Variants in GNB1L observed in about 807,000 individuals in gnomAD.
The protein encoded by GNB1L is guanine nucleotide-binding protein subunit beta-like protein 1.
GNB1L carries 20 observed loss-of-function variants against 29.1 expected under a neutral mutation model. That is an observed-to-expected ratio of 0.69 (90% confidence interval 0.48 to 1.00). The LOEUF is 1.00. Ranked by LOEUF, GNB1L falls within the 50% of genes least tolerant of loss-of-function variation. The pLI is 0.00. For missense variants in GNB1L, 421 were observed against 464.9 expected, an observed-to-expected ratio of 0.91 and a Z score of 0.87; for synonymous variants, 193 against 206.5, an observed-to-expected ratio of 0.93 and a Z score of 0.56.
chr22:19,846,536 G>A (rs1937965571), intron 2 of GNB1L: 1 of 985,544 alleles, frequency 1.0e-6, no homozygotes, highest in Non-Finnish European at 1.2e-6. Context: ...GCCAGGAACA[G>A]CAAAGACAAA....
At chr22:19,803,113 C>T (rs954842210) in intron 6 of GNB1L, among the ~76,000 whole-genome samples, 6 of 152,152 alleles carry the variant, frequency 3.9e-5, no homozygotes, top group African/African-American at 1.4e-4. Flanking sequence ...TGATGGGAAC[C>T]GGGGTAGCCA....
intron 2 of GNB1L, among the ~76,000 whole-genome samples, chr22:19,832,241 G>A (rs945834515): frequency 2.6e-5 from 4 of 152,092 alleles, no homozygotes; most frequent in Non-Finnish European, 5.9e-5. Flanking sequence ...GAGGTGGGAG[G>A]ATCACTTAAG....
chr22:19,783,543 C>A lies in GNB1L; in HGVS notation c.*5166G>T. On this transcript the variant is annotated 3_prime_UTR_variant, in exon 8 of 8. Coordinates refer to ENST00000329517, the MANE Select transcript of GNB1L (RefSeq NM_053004.3). ...CCAGCCTGGGTGACAGAGTGAGACC[C>A]CCACTGTCCCTGGTCTCTTAAAAGA... 5.4e-6 allele frequency: 1 copy of A among 185,402 alleles called. No individual in the cohort carries two copies. The allele number at this position is 185,402 out of a possible 1,614,324, so 11.5% of individuals were successfully genotyped here. A position where few individuals can be genotyped will look rare whatever the true frequency, so the allele number is the denominator to read the frequency against.
intron 2 of GNB1L, among the ~76,000 whole-genome samples, chr22:19,836,873 T>C (rs147004485): frequency 2.6e-4 from 39 of 152,060 alleles, no homozygotes; most frequent in Non-Finnish European, 1.9e-4. Flanking sequence ...CATCCATTCA[T>C]GATTTTTAAA....
At chr22:19,804,611 A>G (rs1265017358) in intron 6 of GNB1L, among the ~76,000 whole-genome samples, 1 of 151,938 alleles carries the variant, frequency 6.6e-6, no homozygotes, top group Admixed American at 6.6e-5. Context: ...GAAAACCCTC[A>G]ATGTTTCAGA....
intron 7 of GNB1L, among the ~76,000 whole-genome samples, chr22:19,801,503 C>T (rs1339803941): frequency 6.6e-6 from 1 of 152,200 alleles, no homozygotes; most frequent in Non-Finnish European, 1.5e-5. Flanking sequence ...GCCCAGGAGA[C>T]ACCATGGGAA....
intron 6 of GNB1L, among the ~76,000 whole-genome samples, chr22:19,806,278 G>A (rs533306482): frequency 5.7e-4 from 87 of 152,370 alleles, no homozygotes; most frequent in Middle Eastern, 3.4e-3. Flanking sequence ...CAGGCTTGCT[G>A]CAGTTAGTCA....
intron 7 of GNB1L, among the ~76,000 whole-genome samples, chr22:19,797,638 G>A (rs1482068896): frequency 1.3e-5 from 2 of 152,090 alleles, no homozygotes; most frequent in South Asian, 2.1e-4. Flanking sequence ...GGATACCACC[G>A]CCTGCGCCCC....
chr22:19,805,655 G>A (rs1319960370), intron 6 of GNB1L, among the ~76,000 whole-genome samples: 6 of 152,154 alleles, frequency 3.9e-5, no homozygotes, highest in African/African-American at 1.2e-4. Flanking sequence ...GGTGGCGGGC[G>A]CCTGTAGTCC....
intron 2 of GNB1L, chr22:19,851,642 G>A: frequency 6.3e-7 from 1 of 1,594,290 alleles, no homozygotes; most frequent in South Asian, 1.1e-5. Context: ...AGGCAGCTGA[G>A]GGGCCACTGG....
intron 2 of GNB1L, chr22:19,851,490 G>A (rs1290078831): frequency 1.9e-6 from 3 of 1,614,172 alleles, no homozygotes; most frequent in Admixed American, 3.3e-5. Flanking sequence ...TTGGTCAGCT[G>A]CTGCTCGAAC....
intron 2 of GNB1L, chr22:19,848,899 G>A (rs763918856): frequency 1.1e-5 from 11 of 985,406 alleles, no homozygotes; most frequent in Non-Finnish European, 1.3e-5. Context: ...CAGGGTAAAG[G>A]TCAGCTGGGT....
At chr22:19,850,091 TTC>T in intron 2 of GNB1L, 1 of 983,350 alleles carries the variant, frequency 1.0e-6, no homozygotes, top group Non-Finnish European at 1.2e-6. Context: ...CCCACCCAGC[TTC>T]TTTGATCAGA....
chr22:19,817,653 A>G (rs1937540555), intron 4 of GNB1L, among the ~76,000 whole-genome samples: 1 of 152,222 alleles, frequency 6.6e-6, no homozygotes, highest in African/African-American at 2.4e-5. Flanking sequence ...TATGCTTTTC[A>G]GAGACATACA....
At chr22:19,849,841 T>C in intron 2 of GNB1L, 2 of 985,366 alleles carry the variant, frequency 2.0e-6, no homozygotes, top group South Asian at 4.7e-5. Context: ...AGCACCAGAG[T>C]GGGCACACAC....
At chr22:19,801,968 G>A in intron 7 of GNB1L, 33 bp downstream of exon 7, 1 of 1,505,208 alleles carries the variant, frequency 6.6e-7, no homozygotes, top group Non-Finnish European at 9.0e-7. Context: ...GTGCAGAGCA[G>A]GATAAATGAG....
chr22:19,846,345 C>G (rs73379993), intron 2 of GNB1L: 1 of 863,446 alleles, frequency 1.2e-6, no homozygotes, highest in African/African-American at 1.8e-5. Context: ...TTTGTACCCC[C>G]CAGGTAGGGA....
chr22:19,800,582 A>G (rs1937357759), intron 7 of GNB1L, among the ~76,000 whole-genome samples: 1 of 152,150 alleles, frequency 6.6e-6, no homozygotes, highest in South Asian at 2.1e-4. Context: ...AACGGGCATC[A>G]TGATGATGAC....
chr22:19,850,232 T>C, intron 2 of GNB1L: 1 of 985,688 alleles, frequency 1.0e-6, no homozygotes, highest in Non-Finnish European at 1.2e-6. Context: ...CTGCACCACC[T>C]CAGCCAGTAA....
Sources: gnomAD v4.1 joint callset for allele counts (sites outside exome capture counted in the v4.1 genomes callset) on GRCh38, gnomAD v4.1.1 for gene constraint, MANE v1.5 for transcripts, NCBI Gene and HGNC (gene_info 2026-07-23, HGNC 2026-07-21) for gene names.